GINM1: variants seen among roughly 807,000 people sequenced by gnomAD.
The protein encoded by GINM1 is glycoprotein integral membrane protein 1.
GINM1 carries 29 observed loss-of-function variants against 37.8 expected under a neutral mutation model. The ratio of observed to expected loss-of-function variants is 0.77; its 90% CI spans 0.57 to 1.05. The LOEUF is 1.05. Ranked by LOEUF, GINM1 falls within the 50% of genes least tolerant of loss-of-function variation. The pLI, the probability that GINM1 is intolerant of heterozygous loss-of-function variation, is 0.00. For synonymous variants in GINM1, 143 were observed against 146.2 expected, an observed-to-expected ratio of 0.98 and a Z score of 0.16; for missense variants, 377 against 397.9, an observed-to-expected ratio of 0.95 and a Z score of 0.45.
chr6:149,568,127 C>A (rs370449433), intron 1 of GINM1, among the ~76,000 whole-genome samples: 2 of 152,336 alleles, frequency 1.3e-5, no homozygotes, highest in Admixed American at 6.5e-5. Context: ...TCACATATTA[C>A]GCTGGGTGCA....
chr6:149,582,690 A>G, intron 7 of GINM1, 87 bp downstream of exon 7: 2 of 975,862 alleles, frequency 2.0e-6, no homozygotes, highest in South Asian at 3.8e-5. Flanking sequence ...AGAAAATATA[A>G]AAATTAGAAA....
At chr6:149,571,014 G>A (rs1777809945) in intron 1 of GINM1, among the ~76,000 whole-genome samples, 1 of 152,036 alleles carries the variant, frequency 6.6e-6, no homozygotes, top group South Asian at 2.1e-4. Context: ...ACACACTCAA[G>A]AAAGGGTCAG....
At position 149,578,911 on chromosome 6, in the gene GINM1, T is replaced by G. The variant is rs1777957054; in HGVS notation, c.367T>G (p.Ser123Ala). Residue 123 changes from serine to alanine, a missense_variant, in exon 4 of 8, where the codon TCT (serine) becomes GCT (alanine). Physicochemically the swap from Ser to Ala is moderately conservative, Grantham distance 99. Transcript: ENST00000367419. ...RILVHEWPMT[S>A]GSSLQLIVIQ... ...TTTAGTTCATGAGTGGCCTATGACA[T>G]CTGGTTCCAGTTTGCAACTAATTGT... The G allele has an allele frequency of 6.2e-7, 1 of 1,606,026 alleles. No homozygotes were observed. The highest frequency in any genetic ancestry group is 1.7e-5 in the Admixed American group (1 of 59,800).
intron 3 of GINM1, among the ~76,000 whole-genome samples, chr6:149,573,329 A>G (rs181250617): frequency 7.3e-5 from 10 of 137,690 alleles, no homozygotes; most frequent in Admixed American, 5.3e-4. Flanking sequence ...TAAAGTAAAA[A>G]TATACATCAC....
chr6:149,582,374 A>G (rs569470855), intron 6 of GINM1, 66 bp from the exon 7 acceptor site: 1 of 1,388,514 alleles, frequency 7.2e-7, no homozygotes, highest in African/African-American at 1.5e-5. Flanking sequence ...TAAAACATTA[A>G]AAAATTTAAA....
rs568421688 is a variant in GINM1 at position 149,580,623 on chromosome 6, A to G, written c.617A>G (p.Gln206Arg). 21 of 1,613,716 alleles carry G rather than the reference A, an allele frequency of 1.3e-5. No homozygotes were observed. In the East Asian group the frequency reaches 3.8e-4, roughly 29 times the overall value. ...GTTAGTTCACTGCAAACCACTAGCCAGTATCTTATCAGGAATGTGGAAACC... is the reference window on the plus strand; with the variant it reads ...GTTAGTTCACTGCAAACCACTAGCCGGTATCTTATCAGGAATGTGGAAACC... Reference protein sequence around the residue: ...ESVSSLQTTSQYLIRNVETTV... With the variant: ...ESVSSLQTTSRYLIRNVETTV... The change falls in exon 6 of 8, where the codon CAG becomes CGG. Residue 206 changes from glutamine to arginine, a missense_variant. Coordinates refer to ENST00000367419, the MANE Select transcript of GINM1 (RefSeq NM_138785.5).
Position 149,572,312 on chromosome 6 carries a change from C to T in GINM1, c.148C>T (p.Leu50=). Residue 50 remains leucine, a synonymous_variant, in exon 2 of 8, where the codon CTG becomes TTG. Coordinates refer to ENST00000367419, the MANE Select transcript of GINM1 (RefSeq NM_138785.5). ...QDGIRINVTT[L]KDDGDISKQQ... is the part of the protein sequence containing the mutation. ...CGGCATCAGAATTAATGTAACTACACTGAAAGATGATGGGGACATATCTAA... is the reference window on the plus strand; with the variant it reads ...CGGCATCAGAATTAATGTAACTACATTGAAAGATGATGGGGACATATCTAA... 6.2e-7 allele frequency: 1 copy of T among 1,600,568 alleles called. No homozygotes were observed. Among genetic ancestry groups the T allele is most frequent in the Non-Finnish European group, 8.5e-7 (1 of 1,174,118 alleles).
chr6:149,575,138 G>A (rs975389889), intron 3 of GINM1, among the ~76,000 whole-genome samples: 1 of 152,160 alleles, frequency 6.6e-6, no homozygotes, highest in East Asian at 1.9e-4. Flanking sequence ...CATTTGGTTG[G>A]AATTTCAAGT....
At chr6:149,585,157 GTTTTTC>G (rs987009060) in intron 7 of GINM1, among the ~76,000 whole-genome samples, 1 of 152,098 alleles carries the variant, frequency 6.6e-6, no homozygotes, top group Non-Finnish European at 1.5e-5. Flanking sequence ...GTGTTGTAAT[GTTTTTC>G]TTTTTCTTTT....
At position 149,591,253 on chromosome 6, in the gene GINM1, C is replaced by G. The variant is rs1224213771; in HGVS notation, c.*415C>G. 1 of 153,626 alleles carries G rather than the reference C, an allele frequency of 6.5e-6. No individual in the cohort carries two copies. The highest frequency in any genetic ancestry group is 1.4e-5 in the Non-Finnish European group (1 of 69,134). 9.5% of individuals were successfully genotyped at this position (153,626 alleles called of 1,614,324 possible). A position where few individuals can be genotyped will look rare whatever the true frequency, so the allele number is the denominator to read the frequency against. Reference sequence around the variant, plus strand: ...GCTGCAGTGAGCCAAGATCACGCCACTGCACTCCAGCCTGGGTGACAGAGC... The same window carrying G: ...GCTGCAGTGAGCCAAGATCACGCCAGTGCACTCCAGCCTGGGTGACAGAGC... On this transcript the variant is annotated 3_prime_UTR_variant, in exon 8 of 8. Coordinates refer to ENST00000367419, the MANE Select transcript of GINM1 (RefSeq NM_138785.5).
chr6:149,587,415 A>G (rs917419557), intron 7 of GINM1, among the ~76,000 whole-genome samples: 8 of 152,172 alleles, frequency 5.3e-5, no homozygotes, highest in African/African-American at 1.7e-4. Flanking sequence ...TGTAAGCCCC[A>G]GGTTGTGATG....
At chr6:149,579,793 C>A (rs1357557794) in intron 4 of GINM1, 41 bp from the exon 5 acceptor site, 1 of 1,296,066 alleles carries the variant, frequency 7.7e-7, no homozygotes, top group Non-Finnish European at 1.1e-6. Flanking sequence ...TGGGGCTGTG[C>A]TACTATTTAA....
chr6:149,579,674 A>G (rs1292261536), intron 4 of GINM1, among the ~76,000 whole-genome samples, 160 bp from the exon 5 acceptor site: 2 of 152,074 alleles, frequency 1.3e-5, no homozygotes, highest in African/African-American at 2.4e-5. Context: ...CCTGGGCAAC[A>G]ACAAGAGCGA....
chr6:149,584,847 A>G (rs1778047279), intron 7 of GINM1, among the ~76,000 whole-genome samples: 1 of 151,422 alleles, frequency 6.6e-6, no homozygotes, highest in East Asian at 1.9e-4. Context: ...AGAGAGAGAC[A>G]CGGGGATCTT....
chr6:149,586,582 A>G (rs969505257), intron 7 of GINM1, among the ~76,000 whole-genome samples: 1 of 152,170 alleles, frequency 6.6e-6, no homozygotes, highest in African/African-American at 2.4e-5. Context: ...CCTCAAGGTA[A>G]TATTACACAT....
rs372915161 is a variant in GINM1, at chr6:149,588,954, G to A, written c.882-1773G>A. On this transcript the variant is annotated intron_variant, in intron 7 of 7. Transcript: ENST00000367419. ...GAATAGCTTGAGATTACAGGCGCCC[G>A]CCACCATGCCTGGCCAATTTTTGTA... Among the ~76,000 whole-genome samples, 7 of 152,056 alleles carry A rather than the reference G, an allele frequency of 4.6e-5. No homozygotes were observed. The South Asian group carries it at 1.0e-3, about 23-fold the overall frequency.
rs73604783 is a variant in GINM1 at position 149,566,749 on chromosome 6, T to C, written c.120+215T>C. Among the ~76,000 whole-genome samples, 13,504 of 152,156 alleles carry C rather than the reference T, an allele frequency of 0.089. 1,482 individuals carry two copies. Among genetic ancestry groups the C allele is most frequent in the African/African-American group, 0.26 (10,811 of 41,512 alleles). ...CCCACTGGGGCTGCGTCGCTGTGAG[T>C]GAGCCTCGAGCCACTCCACACCGAC... On this transcript the variant is annotated intron_variant, in intron 1 of 7. Transcript: ENST00000367419. This position sits in a 1 kb window ranked among gnomAD's most constrained non-coding sequence, Gnocchi z 4.4.
rs9485403 is a variant in GINM1, at chr6:149,566,577, T to A, written c.120+43T>A. ...TGGCTGGCCGCTTTACGACTCCGAC[T>A]CTCCGGGAGGCCCGGGCTGTCCACA... On this transcript the variant is annotated intron_variant, in intron 1 of 7. Coordinates refer to ENST00000367419, the MANE Select transcript of GINM1 (RefSeq NM_138785.5). The surrounding 1 kb of genome is among the most constrained non-coding windows in gnomAD (Gnocchi z 4.4). 1 of 1,451,168 alleles carries A rather than the reference T, an allele frequency of 6.9e-7. No homozygotes were observed. Among genetic ancestry groups the A allele is most frequent in the African/African-American group, 1.5e-5 (1 of 67,748 alleles). 89.9% of individuals were successfully genotyped at this position (1,451,168 alleles called of 1,614,324 possible). A position where few individuals can be genotyped will look rare whatever the true frequency, so the allele number is the denominator to read the frequency against.
At chr6:149,567,628 TCAAAA>T (rs1777741839) in intron 1 of GINM1, among the ~76,000 whole-genome samples, 1 of 151,956 alleles carries the variant, frequency 6.6e-6, no homozygotes, top group Non-Finnish European at 1.5e-5. Flanking sequence ...GTGAGGGAGC[TCAAAA>T]CAAAACAAAC....
Sources: gnomAD v4.1 joint callset for allele counts (sites outside exome capture counted in the v4.1 genomes callset) on GRCh38, gnomAD v4.1.1 for gene constraint, Gnocchi (gnomAD v3.1) non-coding constraint, MANE v1.5 for transcripts, NCBI Gene and HGNC (gene_info 2026-07-23, HGNC 2026-07-21) for gene names.